RTF1: variants seen among roughly 807,000 people sequenced by gnomAD.
RTF1 encodes RTF1 homolog, Paf1/RNA polymerase II complex component.
A neutral mutation model predicts 95.7 loss-of-function variants in RTF1; 10 were observed. The ratio of observed to expected loss-of-function variants is 0.10; its 90% CI spans 0.06 to 0.18. The LOEUF (loss-of-function observed/expected upper bound fraction) is 0.18. Among genes scored for constraint, RTF1 ranks in the 10% least tolerant of loss-of-function variants. The pLI is 1.00. For synonymous variants in RTF1, 305 were observed against 311.8 expected, an observed-to-expected ratio of 0.98 and a Z score of 0.23; for missense variants, 458 against 875.6, an observed-to-expected ratio of 0.52 and a Z score of 6.02.
chr15:41,430,949 C>A (rs572538466), intron 1 of RTF1, among the ~76,000 whole-genome samples: 1 of 152,080 alleles, frequency 6.6e-6, no homozygotes, highest in South Asian at 2.1e-4. Flanking sequence ...GTCGCCCGGG[C>A]TGGAGTGCAG....
chr15:41,473,040 C>G (rs1296027164), intron 8 of RTF1, among the ~76,000 whole-genome samples: 1 of 151,970 alleles, frequency 6.6e-6, no homozygotes. Flanking sequence ...TAGCAACAGC[C>G]TCTCTCTGTT....
chr15:41,423,179 A>G (rs949049437), intron 1 of RTF1, among the ~76,000 whole-genome samples: 2 of 152,220 alleles, frequency 1.3e-5, no homozygotes, highest in African/African-American at 4.8e-5. Flanking sequence ...TGAGAAATTT[A>G]AAAGTTGTGC....
chr15:41,471,293 A>G lies in RTF1; in HGVS notation c.1147A>G (p.Thr383Ala), dbSNP rs144568056. 88 of 1,613,944 alleles carry G rather than the reference A, an allele frequency of 5.5e-5. No individual in the cohort carries two copies. The African/African-American group carries it at 9.7e-4, about 18-fold the overall frequency. ...CHMPFFAKTV[T>A]GCFVRIGIGN... ...CATGCCCTTCTTTGCTAAAACTGTC[A>G]CAGGATGTTTTGTGCGGATTGGCAT... is the stretch of plus-strand genomic sequence containing the variant. The change falls in exon 8 of 18, where the codon ACA becomes GCA. Residue 383 changes from threonine (T) to alanine (A), a missense_variant. Thr to Ala is a moderately conservative substitution (Grantham distance 58). Coordinates refer to ENST00000389629, the MANE Select transcript of RTF1 (RefSeq NM_015138.5).
chr15:41,455,132 G>C (rs946234545), intron 3 of RTF1, among the ~76,000 whole-genome samples: 1 of 151,070 alleles, frequency 6.6e-6, no homozygotes, highest in African/African-American at 2.4e-5. Context: ...TGGCCAACAT[G>C]GTGAAACCCC....
chr15:41,423,618 C>T (rs753000426), intron 1 of RTF1, among the ~76,000 whole-genome samples: 1 of 152,234 alleles, frequency 6.6e-6, no homozygotes, highest in Admixed American at 6.5e-5. Flanking sequence ...ATCCACCCAC[C>T]TCGGCCTCCC....
At chr15:41,465,323 C>T (rs992690779) in intron 5 of RTF1, among the ~76,000 whole-genome samples, 1 of 152,040 alleles carries the variant, frequency 6.6e-6, no homozygotes, top group Non-Finnish European at 1.5e-5. Context: ...TGCTACCGTG[C>T]CCGGCTTTCA....
chr15:41,423,186 G>T (rs1241770067), intron 1 of RTF1, among the ~76,000 whole-genome samples: 1 of 152,108 alleles, frequency 6.6e-6, no homozygotes, highest in Non-Finnish European at 1.5e-5. Context: ...TTTAAAAGTT[G>T]TGCTTCTTGT....
chr15:41,462,307 A>G (rs1488814620), intron 4 of RTF1, among the ~76,000 whole-genome samples: 2 of 152,120 alleles, frequency 1.3e-5, no homozygotes, highest in African/African-American at 4.8e-5. Flanking sequence ...CAGCACCAGT[A>G]GTGAGATGTC....
In RTF1 at chr15:41,473,610, T is replaced by C. The variant is rs552560117; in HGVS notation, c.1204-1010T>C. 3.3e-5 allele frequency among the ~76,000 whole-genome samples: 5 copies of C among 152,274 alleles called. No homozygotes were observed. The East Asian group carries it at 7.7e-4, about 23-fold the overall frequency. On this transcript the variant is annotated intron_variant, in intron 8 of 17. Coordinates refer to ENST00000389629, the MANE Select transcript of RTF1 (RefSeq NM_015138.5). The stretch of plus-strand genomic sequence containing the variant: ...TAGGATCTCGCCCTGTTGCCCAGGC[T>C]AGCATGCAGCGGTGTGATCAGAGCT...
chr15:41,472,114 G>A (rs907131076), intron 8 of RTF1, among the ~76,000 whole-genome samples: 3 of 151,936 alleles, frequency 2.0e-5, no homozygotes, highest in African/African-American at 7.3e-5. Flanking sequence ...GGCGAGGCTG[G>A]TCTTGAACTC....
At chr15:41,456,395 A>C in intron 3 of RTF1, among the ~76,000 whole-genome samples, 1 of 151,828 alleles carries the variant, frequency 6.6e-6, no homozygotes, top group African/African-American at 2.4e-5. Context: ...AGGCTGAGGC[A>C]GGAGAATGGC....
At chr15:41,419,749 C>T (rs906897853) in intron 1 of RTF1, among the ~76,000 whole-genome samples, 4 of 152,182 alleles carry the variant, frequency 2.6e-5, no homozygotes, top group African/African-American at 4.8e-5. Flanking sequence ...TGCTTCTTTT[C>T]GTGGTAGAGA....
chr15:41,439,776 C>T (rs934122563), intron 2 of RTF1, among the ~76,000 whole-genome samples: 35 of 151,834 alleles, frequency 2.3e-4, no homozygotes, highest in African/African-American at 7.7e-4. Context: ...CTCAGCCTCC[C>T]AAGTAGCTGG....
At chr15:41,432,627 T>C (rs1242146992) in intron 1 of RTF1, among the ~76,000 whole-genome samples, 5 of 152,076 alleles carry the variant, frequency 3.3e-5, no homozygotes, top group Non-Finnish European at 2.9e-5. Flanking sequence ...ATTTCTCTTA[T>C]AACGAATTGG....
chr15:41,477,372 G>A, intron 13 of RTF1, 86 bp downstream of exon 13: 1 of 1,612,922 alleles, frequency 6.2e-7, no homozygotes, highest in Admixed American at 1.7e-5. Flanking sequence ...GTGCTGCACT[G>A]ACCCCATAGA....
Position 41,471,169 on chromosome 15 carries a change from T to C in RTF1, c.1026-3T>C. ...TTTTCCAGTGCCCCTTTGTTCCTCT[T>C]AGGAAAGAAGAGATCCCTCCCAAAT... On this transcript the variant is annotated splice_polypyrimidine_tract_variant and splice_region_variant and intron_variant, in intron 7 of 17. Coordinates refer to ENST00000389629, the MANE Select transcript of RTF1 (RefSeq NM_015138.5). The C allele has an allele frequency of 1.3e-6, 2 of 1,594,086 alleles. No individual in the cohort carries two copies. The highest frequency in any genetic ancestry group is 1.7e-6 in the Non-Finnish European group (2 of 1,172,198).
At chr15:41,419,919 A>G (rs1488150171) in intron 1 of RTF1, among the ~76,000 whole-genome samples, 1 of 152,116 alleles carries the variant, frequency 6.6e-6, no homozygotes, top group Non-Finnish European at 1.5e-5. Flanking sequence ...CACTGGGTTC[A>G]AGCGATTCTC....
intron 2 of RTF1, among the ~76,000 whole-genome samples, chr15:41,445,171 G>A (rs7168910): frequency 0.017 from 2,621 of 151,996 alleles, 84 homozygotes; most frequent in African/African-American, 0.059. Flanking sequence ...TCCTGACCTC[G>A]TGATCCACCC....
At chr15:41,431,747 C>G (rs1252980107) in intron 1 of RTF1, among the ~76,000 whole-genome samples, 1 of 152,050 alleles carries the variant, frequency 6.6e-6, no homozygotes. Context: ...GATCAGCCCT[C>G]GTCGGCTTCC....
Sources: gnomAD v4.1 joint callset for allele counts (sites outside exome capture counted in the v4.1 genomes callset) on GRCh38, gnomAD v4.1.1 for gene constraint, MANE v1.5 for transcripts, NCBI Gene and HGNC (gene_info 2026-07-23, HGNC 2026-07-21) for gene names.